Variants in PRMT8 observed in about 807,000 individuals in gnomAD.
The protein encoded by PRMT8 is protein arginine methyltransferase 8.
Under a neutral mutation model 47.1 loss-of-function variants are expected in PRMT8, and 7 were observed. The observed-to-expected ratio is 0.15, with a 90% confidence interval of 0.08 to 0.28. The LOEUF is 0.28. Among genes scored for constraint, PRMT8 ranks in the 10% least tolerant of loss-of-function variants. The pLI is 1.00. For missense variants in PRMT8, 237 were observed against 505.4 expected (o/e 0.47, Z 5.09); for synonymous variants, 188 against 186.5 (o/e 1.01, Z -0.07).
intron 1 of PRMT8, among the ~76,000 whole-genome samples, chr12:3,423,715 G>T (rs1864568278): frequency 6.6e-6 from 1 of 152,192 alleles, no homozygotes; most frequent in Admixed American, 6.5e-5. Flanking sequence ...CTCTGGGTGG[G>T]TCCACACGGT....
intron 1 of PRMT8, among the ~76,000 whole-genome samples, chr12:3,429,251 G>GACCT (rs904691754): frequency 5.9e-5 from 9 of 152,194 alleles, no homozygotes; most frequent in African/African-American, 2.2e-4. Context: ...TGAAACAAGG[G>GACCT]ACCTGTTCAG....
At chr12:3,460,677 A>G (rs1168490134) in intron 1 of PRMT8, among the ~76,000 whole-genome samples, 8 of 152,170 alleles carry the variant, frequency 5.3e-5, no homozygotes, top group Admixed American at 1.3e-4. Flanking sequence ...AGAGCGAGGA[A>G]ATTAAGGTTA....
chr12:3,584,303 C>T (rs1278323419), intron 8 of PRMT8, among the ~76,000 whole-genome samples: 2 of 152,216 alleles, frequency 1.3e-5, no homozygotes, highest in African/African-American at 4.8e-5. Context: ...AAGTTAATCA[C>T]CTCTTTTAAA....
chr12:3,498,361 G>A (rs547435598), intron 1 of PRMT8, among the ~76,000 whole-genome samples: 1 of 152,226 alleles, frequency 6.6e-6, no homozygotes, highest in Non-Finnish European at 1.5e-5. Flanking sequence ...GAAGAGAAAG[G>A]GTGGAGAAAT....
chr12:3,415,258 T>C (rs1864472152), intron 1 of PRMT8, among the ~76,000 whole-genome samples: 1 of 152,178 alleles, frequency 6.6e-6, no homozygotes, highest in African/African-American at 2.4e-5. Flanking sequence ...ACGCCTTTCC[T>C]GGGTGCCACT....
intron 1 of PRMT8, among the ~76,000 whole-genome samples, chr12:3,447,255 C>T (rs1207181218): frequency 1.3e-5 from 2 of 152,216 alleles, no homozygotes; most frequent in African/African-American, 2.4e-5. Flanking sequence ...AGTTATGAAG[C>T]AGCTATTCTC....
chr12:3,556,209 A>T (rs1866525643), intron 4 of PRMT8, among the ~76,000 whole-genome samples: 1 of 152,096 alleles, frequency 6.6e-6, no homozygotes, highest in South Asian at 2.1e-4. Flanking sequence ...TCCACTTGGG[A>T]GTCATCAACC....
chr12:3,583,939 C>T lies in PRMT8; in HGVS notation c.979+731C>T, dbSNP rs1197071623. ...AAACTCAGTGAGGCCTCTTCATTCT[C>T]TGGGCCATGGCTTCTACACACACCA... On this transcript the variant is annotated intron_variant, in intron 8 of 9. Transcript: ENST00000382622. This position sits in a 1 kb window ranked among gnomAD's most constrained non-coding sequence, Gnocchi z 4.7. Among the ~76,000 whole-genome samples, 3 of 152,216 alleles carry T rather than the reference C, an allele frequency of 2.0e-5. No individual in the cohort carries two copies. The highest frequency in any genetic ancestry group is 4.4e-5 in the Non-Finnish European group (3 of 68,046).
intron 4 of PRMT8, among the ~76,000 whole-genome samples, chr12:3,558,302 T>C (rs191422827): frequency 8.4e-4 from 128 of 152,048 alleles, no homozygotes; most frequent in African/African-American, 3.0e-3. Context: ...ATACTCAATA[T>C]ACAGAAAAGG....
chr12:3,464,364 A>G (rs1372139364), intron 1 of PRMT8, among the ~76,000 whole-genome samples: 1 of 152,184 alleles, frequency 6.6e-6, no homozygotes, highest in Non-Finnish European at 1.5e-5. Flanking sequence ...AAAAAAAACA[A>G]AAACCCTGAA....
intron 1 of PRMT8, among the ~76,000 whole-genome samples, chr12:3,479,105 C>G (rs563160124): frequency 6.6e-6 from 1 of 152,324 alleles, no homozygotes; most frequent in South Asian, 2.1e-4. Context: ...GGCTTCTCCA[C>G]AGAGGATAGT....
chr12:3,569,684 C>T lies in PRMT8; in HGVS notation c.712+120C>T. On this transcript the variant is annotated intron_variant, in intron 6 of 9. Transcript: ENST00000382622. The surrounding 1 kb of genome is among the most constrained non-coding windows in gnomAD (Gnocchi z 8.2). ...CACCATTGCTGTCCCTGAAGAGGAG[C>T]TTATCTGGGACCCTTTCTGGAGTCT... The T allele has an allele frequency of 1.2e-6, 1 of 810,326 alleles. No homozygotes were observed. Among genetic ancestry groups the T allele is most frequent in the Non-Finnish European group, 2.1e-6 (1 of 465,136 alleles). 50.2% of individuals were successfully genotyped at this position (810,326 alleles called of 1,614,324 possible).
chr12:3,383,877 A>T (rs1864116556), intron 1 of PRMT8, among the ~76,000 whole-genome samples: 1 of 152,288 alleles, frequency 6.6e-6, no homozygotes, highest in South Asian at 2.1e-4. Context: ...GTCTGTGTTC[A>T]TGCTGGTATA....
chr12:3,437,622 C>CTATATATATATATATATA (rs57504454), intron 1 of PRMT8, among the ~76,000 whole-genome samples: 48 of 142,862 alleles, frequency 3.4e-4, no homozygotes, highest in African/African-American at 1.2e-3. Flanking sequence ...TGCATTCAGG[C>CTATATATATATATATATA]TATATATATA....
intron 1 of PRMT8, among the ~76,000 whole-genome samples, chr12:3,450,964 A>AATG (rs1372179518): frequency 7.4e-6 from 1 of 135,878 alleles, no homozygotes; most frequent in Non-Finnish European, 1.5e-5. Context: ...ACTTTAGTGC[A>AATG]ATGTCAACAA....
At chr12:3,531,631 G>T (rs1330972848) in intron 1 of PRMT8, among the ~76,000 whole-genome samples, 1 of 152,198 alleles carries the variant, frequency 6.6e-6, no homozygotes, top group Non-Finnish European at 1.5e-5. Context: ...AGACAGCCAG[G>T]GCTGGCAGGA....
chr12:3,577,119 G>T, intron 7 of PRMT8, 133 bp downstream of exon 7: 1 of 699,722 alleles, frequency 1.4e-6, no homozygotes, highest in East Asian at 2.6e-5. Context: ...AGCCTGTGAT[G>T]CTCCCTAAGC....
chr12:3,548,793 T>C (rs1866369310), intron 2 of PRMT8, among the ~76,000 whole-genome samples: 1 of 152,196 alleles, frequency 6.6e-6, no homozygotes, highest in Non-Finnish European at 1.5e-5. Flanking sequence ...AAGTTGAACA[T>C]GTACCTACCC....
chr12:3,591,766 GCT>G (rs1291163715), intron 8 of PRMT8, among the ~76,000 whole-genome samples: 2 of 152,154 alleles, frequency 1.3e-5, no homozygotes, highest in African/African-American at 2.4e-5. Flanking sequence ...AACTGGTTTA[GCT>G]GTGGAGTTTG....
Sources: allele counts gnomAD v4.1 joint callset (sites outside exome capture counted in the v4.1 genomes callset), GRCh38; gene constraint gnomAD v4.1.1; non-coding constraint Gnocchi (gnomAD v3.1); transcripts MANE v1.5; gene names NCBI Gene and HGNC (gene_info 2026-07-23, HGNC 2026-07-21).